Variants in SLC24A2 observed in about 807,000 individuals in gnomAD.
The protein encoded by SLC24A2 is solute carrier family 24 member 2.
In SLC24A2, 36 loss-of-function variants were observed where a neutral mutation model predicts 62.0. That is an observed-to-expected ratio of 0.58 (90% CI 0.44 to 0.77). The LOEUF is 0.77. Among genes scored for constraint, SLC24A2 ranks in the 30% least tolerant of loss-of-function variants. The pLI, the probability that SLC24A2 is intolerant of heterozygous loss-of-function variation, is 0.00. For synonymous variants in SLC24A2, 358 were observed against 294.0 expected (o/e 1.22, Z -2.23); for missense variants, 846 against 817.9 (o/e 1.03, Z -0.42).
At chr9:20,141,599 A>G in the SLC24A2 span, among the ~76,000 whole-genome samples, 2 of 151,278 alleles carry the variant, frequency 1.3e-5, no homozygotes, top group African/African-American at 4.9e-5. Flanking sequence ...ATACTTGAGA[A>G]AGCCCTGCCT....
At chr9:20,082,366 T>A in the SLC24A2 span, among the ~76,000 whole-genome samples, 1 of 152,196 alleles carries the variant, frequency 6.6e-6, no homozygotes. Flanking sequence ...GAAAATCACA[T>A]GGAGAAAGTG....
the SLC24A2 span, among the ~76,000 whole-genome samples, chr9:19,886,908 T>C: frequency 6.6e-6 from 1 of 152,096 alleles, no homozygotes; most frequent in Admixed American, 6.5e-5. Flanking sequence ...TGCAGGGACA[T>C]GGATAGAGCT....
At chr9:20,027,955 G>A in the SLC24A2 span, among the ~76,000 whole-genome samples, 4 of 152,084 alleles carry the variant, frequency 2.6e-5, no homozygotes, top group Admixed American at 1.3e-4. Flanking sequence ...GATACAATAA[G>A]TAAAGAAGCC....
chr9:19,632,945 G>A lies in SLC24A2; in HGVS notation c.931-10646C>T, dbSNP rs367578177. ...TATAACATCATCACAAGACTCCCTT[G>A]TGCTATCCCTTTAGGTCTACACCCA... On this transcript the variant is annotated intron_variant, in intron 2 of 10. Coordinates refer to ENST00000341998, the MANE Select transcript of SLC24A2 (RefSeq NM_020344.4). This position sits in a 1 kb window ranked among gnomAD's most constrained non-coding sequence, Gnocchi z 4.5. 6.6e-6 allele frequency among the ~76,000 whole-genome samples: 1 copy of A among 152,112 alleles called. No individual in the cohort carries two copies. Among genetic ancestry groups the A allele is most frequent in the African/African-American group, 2.4e-5 (1 of 41,412 alleles).
the SLC24A2 span, among the ~76,000 whole-genome samples, chr9:20,061,766 C>T: frequency 1.3e-5 from 2 of 151,888 alleles, no homozygotes; most frequent in African/African-American, 4.8e-5. Context: ...TTTGTACGGC[C>T]TTTGGTTAGT....
the SLC24A2 span, among the ~76,000 whole-genome samples, chr9:20,163,068 CAG>C: frequency 6.6e-6 from 1 of 152,074 alleles, no homozygotes; most frequent in Non-Finnish European, 1.5e-5. Context: ...TGAAAACTGG[CAG>C]AAGACAGGGA....
rs908592854 is a variant in SLC24A2 at position 19,773,153 on chromosome 9, G to A, written c.930+12784C>T. On this transcript the variant is annotated intron_variant, in intron 2 of 10. Transcript: ENST00000341998. ...AGTAGATTAGTGGCTACTGGGGGCTGGGCAGAGGGAGGAATTGGGAGAGAC... is the reference window on the plus strand; with the variant it reads ...AGTAGATTAGTGGCTACTGGGGGCTAGGCAGAGGGAGGAATTGGGAGAGAC... Among the ~76,000 whole-genome samples the A allele has an allele frequency of 1.3e-4, 20 of 152,308 alleles. No homozygotes were observed. The East Asian group carries it at 3.9e-3, about 29-fold the overall frequency.
At chr9:19,793,031 A>C (rs535634632), upstream of SLC24A2, among the ~76,000 whole-genome samples, 60 of 152,208 alleles carry the variant, frequency 3.9e-4, no homozygotes, top group Non-Finnish European at 8.2e-4. Flanking sequence ...CCGTGAGAAC[A>C]AAGAGTCAGT....
chr9:20,277,488 G>C, the SLC24A2 span, among the ~76,000 whole-genome samples: 1 of 151,648 alleles, frequency 6.6e-6, no homozygotes, highest in Non-Finnish European at 1.5e-5. Context: ...ATGAAAAAAT[G>C]TTCATCATCA....
the SLC24A2 span, among the ~76,000 whole-genome samples, chr9:19,846,565 G>T: frequency 2.6e-5 from 4 of 152,162 alleles, no homozygotes; most frequent in Non-Finnish European, 5.9e-5. Flanking sequence ...TGCCTTTTAA[G>T]TGGATTGTTT....
the SLC24A2 span, among the ~76,000 whole-genome samples, chr9:20,032,112 C>A: frequency 6.6e-6 from 1 of 152,164 alleles, no homozygotes; most frequent in African/African-American, 2.4e-5. Flanking sequence ...CCTTGAACAG[C>A]CTTCTATCTT....
At chr9:20,109,479 A>C in the SLC24A2 span, among the ~76,000 whole-genome samples, 2 of 152,192 alleles carry the variant, frequency 1.3e-5, no homozygotes, top group Non-Finnish European at 2.9e-5. Flanking sequence ...GCAAGTCTCA[A>C]GCTTTAGTAT....
At chr9:19,944,133 G>A in the SLC24A2 span, among the ~76,000 whole-genome samples, 3 of 152,076 alleles carry the variant, frequency 2.0e-5, no homozygotes, top group Non-Finnish European at 4.4e-5. Context: ...GGGGAGGAAT[G>A]GTTGAAAAAC....
chr9:20,198,222 A>G, the SLC24A2 span, among the ~76,000 whole-genome samples: 2 of 152,206 alleles, frequency 1.3e-5, no homozygotes, highest in African/African-American at 4.8e-5. Flanking sequence ...AAAGGGGGAA[A>G]AAAGCATGTC....
the SLC24A2 span, among the ~76,000 whole-genome samples, chr9:20,038,696 T>C: frequency 6.0e-5 from 9 of 151,204 alleles, no homozygotes; most frequent in African/African-American, 2.2e-4. Context: ...AGTCACAGTC[T>C]CCTCATTTGC....
intron 7 of SLC24A2, among the ~76,000 whole-genome samples, chr9:19,558,241 T>G (rs1031031999): frequency 3.9e-5 from 6 of 152,172 alleles, no homozygotes; most frequent in South Asian, 2.1e-4. Flanking sequence ...TAGGGGCCAC[T>G]GAGATGCCCT....
intron 7 of SLC24A2, among the ~76,000 whole-genome samples, chr9:19,561,017 C>A (rs902919849): frequency 2.0e-5 from 3 of 151,854 alleles, no homozygotes; most frequent in African/African-American, 4.8e-5. Flanking sequence ...CCTCCGCCTC[C>A]CAGGTTTGAG....
chr9:20,296,124 G>GA, the SLC24A2 span, among the ~76,000 whole-genome samples: 1 of 152,232 alleles, frequency 6.6e-6, no homozygotes, highest in Non-Finnish European at 1.5e-5. Flanking sequence ...TGCAAAAGCA[G>GA]AAAATCACCT....
chr9:19,894,724 C>A, the SLC24A2 span, among the ~76,000 whole-genome samples: 1 of 152,038 alleles, frequency 6.6e-6, no homozygotes, highest in Non-Finnish European at 1.5e-5. Flanking sequence ...AAAAATGGGA[C>A]AAGGTATATT....
Sources: allele counts gnomAD v4.1 joint callset (sites outside exome capture counted in the v4.1 genomes callset), GRCh38; gene constraint gnomAD v4.1.1; non-coding constraint Gnocchi (gnomAD v3.1); transcripts MANE v1.5; gene names NCBI Gene and HGNC (gene_info 2026-07-23, HGNC 2026-07-21).